Variants in PHKB observed in about 807,000 individuals in gnomAD.
The protein encoded by PHKB is phosphorylase b kinase regulatory subunit beta.
A neutral mutation model predicts 152.1 loss-of-function variants in PHKB; 122 were observed. That is an observed-to-expected ratio of 0.80 (90% confidence interval 0.69 to 0.93). PHKB has a LOEUF of 0.93. Among genes scored for constraint, PHKB ranks in the 40% least tolerant of loss-of-function variants. The probability of loss-of-function intolerance (pLI) is 0.00; values close to 1 mark genes in which losing one functional copy is unlikely to be tolerated. For synonymous variants in PHKB, 436 were observed against 464.9 expected, an observed-to-expected ratio of 0.94 and a Z score of 0.80; for missense variants, 1,304 against 1,328.4, an observed-to-expected ratio of 0.98 and a Z score of 0.29.
chr16:47,479,935 C>T (rs1969935433), intron 1 of PHKB, among the ~76,000 whole-genome samples: 1 of 152,072 alleles, frequency 6.6e-6, no homozygotes, highest in African/African-American at 2.4e-5. Flanking sequence ...TTTACCTGGC[C>T]CAGATCCTTT....
chr16:47,688,937 T>C, intron 26 of PHKB, 104 bp from the exon 27 acceptor site: 1 of 1,233,164 alleles, frequency 8.1e-7, no homozygotes, highest in Non-Finnish European at 1.2e-6. Flanking sequence ...CTCTTCTTCA[T>C]TCTCCTTTGA....
chr16:47,678,599 C>T (rs1209335085), intron 26 of PHKB, among the ~76,000 whole-genome samples: 1 of 151,776 alleles, frequency 6.6e-6, no homozygotes, highest in African/African-American at 2.4e-5. Context: ...TGTCCTTCGC[C>T]CACTTTTTGA....
intron 29 of PHKB, among the ~76,000 whole-genome samples, 161 bp downstream of exon 29, chr16:47,696,649 T>C (rs1394191354): frequency 2.6e-5 from 4 of 151,950 alleles, no homozygotes; most frequent in Non-Finnish European, 5.9e-5. Context: ...AACCTTGATC[T>C]CTCCCAGCCG....
chr16:47,574,392 C>A (rs182998603), intron 7 of PHKB, among the ~76,000 whole-genome samples: 1 of 152,202 alleles, frequency 6.6e-6, no homozygotes. Context: ...TTGCCACCCA[C>A]AGCTTTCAAA....
chr16:47,596,543 A>C lies in PHKB; in HGVS notation c.1363+12A>C. 6.2e-7 allele frequency: 1 copy of C among 1,611,628 alleles called. No individual in the cohort carries two copies. Among genetic ancestry groups the C allele is most frequent in the East Asian group, 2.2e-5 (1 of 44,840 alleles). Reference sequence around the variant, plus strand: ...CGCAAAACTCCTGGGTAAGTGGAGAAGATTGGGAATGGTATTTTTTTCCTT... The same window carrying C: ...CGCAAAACTCCTGGGTAAGTGGAGACGATTGGGAATGGTATTTTTTTCCTT... On this transcript the variant is annotated intron_variant, in intron 13 of 30. Coordinates refer to ENST00000323584, the MANE Select transcript of PHKB (RefSeq NM_000293.3).
intron 26 of PHKB, among the ~76,000 whole-genome samples, chr16:47,674,403 A>C (rs2142084603): frequency 6.6e-6 from 1 of 152,274 alleles, no homozygotes; most frequent in Admixed American, 6.5e-5. Context: ...AGTGGCTGAA[A>C]CCACAATTGC....
intron 14 of PHKB, among the ~76,000 whole-genome samples, chr16:47,633,859 T>C (rs1261842234): frequency 6.6e-6 from 1 of 152,204 alleles, no homozygotes; most frequent in Non-Finnish European, 1.5e-5. Flanking sequence ...CTATATCTGT[T>C]TACTAACTCT....
chr16:47,581,903 C>T (rs1446576189), intron 8 of PHKB, among the ~76,000 whole-genome samples: 1 of 152,184 alleles, frequency 6.6e-6, no homozygotes, highest in Admixed American at 6.5e-5. Flanking sequence ...TGGTCTCGAA[C>T]TCCTGACCTC....
chr16:47,688,739 T>C (rs1024153274), intron 26 of PHKB, among the ~76,000 whole-genome samples: 1 of 151,228 alleles, frequency 6.6e-6, no homozygotes, highest in Non-Finnish European at 1.5e-5. Context: ...GTAGCAGCTG[T>C]TTATGTACAG....
chr16:47,566,884 CT>C, intron 7 of PHKB: 1 of 683,798 alleles, frequency 1.5e-6, no homozygotes, highest in Non-Finnish European at 2.7e-6. Context: ...TTCTTTTTTG[CT>C]TAGTTCTTGA....
chr16:47,566,119 T>C (rs1971561359), intron 7 of PHKB: 2 of 659,742 alleles, frequency 3.0e-6, no homozygotes, highest in Admixed American at 4.8e-5. Context: ...TCATAATCTC[T>C]GCTGCCTTGG....
intron 7 of PHKB, chr16:47,566,975 A>G (rs562001206): frequency 3.9e-6 from 2 of 506,584 alleles, no homozygotes; most frequent in Non-Finnish European, 3.5e-6. Flanking sequence ...CTATTTTTGT[A>G]CTGTTTTAGT....
chr16:47,477,853 T>C (rs1338151892), intron 1 of PHKB, among the ~76,000 whole-genome samples: 1 of 152,202 alleles, frequency 6.6e-6, no homozygotes, highest in African/African-American at 2.4e-5. Flanking sequence ...ACCAGTAGCA[T>C]GTTTATTCCT....
intron 1 of PHKB, among the ~76,000 whole-genome samples, chr16:47,465,177 T>C (rs1240122745): frequency 1.3e-5 from 2 of 152,218 alleles, no homozygotes; most frequent in East Asian, 1.9e-4. Context: ...CATGTAACAA[T>C]GCCAATTGAT....
chr16:47,533,254 CAG>C (rs1385628284), intron 6 of PHKB, among the ~76,000 whole-genome samples: 1 of 152,138 alleles, frequency 6.6e-6, no homozygotes, highest in Non-Finnish European at 1.5e-5. Context: ...TTATGGGCCT[CAG>C]GGGTGAGGAA....
intron 12 of PHKB, 121 bp downstream of exon 12, chr16:47,594,335 C>A: frequency 4.5e-6 from 3 of 661,138 alleles, no homozygotes; most frequent in South Asian, 3.4e-5. Context: ...AATGAATGAT[C>A]CCTGATATGA....
intron 13 of PHKB, among the ~76,000 whole-genome samples, chr16:47,609,524 C>T (rs936458425): frequency 2.0e-5 from 3 of 150,126 alleles, no homozygotes; most frequent in Admixed American, 1.3e-4. Context: ...CCATCTAGTC[C>T]TGAACTATGT....
intron 28 of PHKB, among the ~76,000 whole-genome samples, chr16:47,696,141 T>C (rs1282481304): frequency 6.7e-6 from 1 of 148,372 alleles, no homozygotes; most frequent in East Asian, 1.9e-4. Context: ...ATAGTCCTTT[T>C]TCTCAAAAAA....
intron 30 of PHKB, 102 bp downstream of exon 30, chr16:47,698,690 G>T: frequency 9.5e-7 from 1 of 1,053,892 alleles, no homozygotes; most frequent in South Asian, 1.6e-5. Flanking sequence ...TTATAAAACA[G>T]ATTCACAGGT....
Sources: gnomAD v4.1 joint callset for allele counts (sites outside exome capture counted in the v4.1 genomes callset) on GRCh38, gnomAD v4.1.1 for gene constraint, MANE v1.5 for transcripts, NCBI Gene and HGNC (gene_info 2026-07-23, HGNC 2026-07-21) for gene names.